Variants in RIGI observed in about 807,000 individuals in gnomAD.
The protein encoded by RIGI is antiviral innate immune response receptor RIG-I.
At chr9:32,488,106 G>A in the RIGI span, 1 of 1,614,016 alleles carries the variant, frequency 6.2e-7, no homozygotes, top group African/African-American at 1.3e-5. Flanking sequence ...TTGTTCACAA[G>A]AATCTGTGGA....
At chr9:32,477,639 G>C in the RIGI span, among the ~76,000 whole-genome samples, 1 of 152,076 alleles carries the variant, frequency 6.6e-6, no homozygotes, top group African/African-American at 2.4e-5. Flanking sequence ...TAAAAATATA[G>C]TCAGGCCGGG....
At chr9:32,522,132 C>T in the RIGI span, among the ~76,000 whole-genome samples, 1 of 152,082 alleles carries the variant, frequency 6.6e-6, no homozygotes, top group African/African-American at 2.4e-5. Context: ...CAATATGAAA[C>T]ACAGCAGGAG....
At chr9:32,461,667 C>T in the RIGI span, among the ~76,000 whole-genome samples, 2 of 152,114 alleles carry the variant, frequency 1.3e-5, no homozygotes, top group African/African-American at 4.8e-5. Flanking sequence ...TGCCTCTTCT[C>T]TGTTAGGCTA....
chr9:32,500,648 A>G, the RIGI span, among the ~76,000 whole-genome samples: 2 of 152,166 alleles, frequency 1.3e-5, no homozygotes, highest in South Asian at 2.1e-4. Context: ...CAGGTAGACA[A>G]TTATATCATC....
At chr9:32,506,762 G>A in the RIGI span, among the ~76,000 whole-genome samples, 1 of 152,074 alleles carries the variant, frequency 6.6e-6, no homozygotes, top group Non-Finnish European at 1.5e-5. Flanking sequence ...TAATTTGGGG[G>A]AATTTTGTTT....
the RIGI span, among the ~76,000 whole-genome samples, chr9:32,473,574 C>T: frequency 2.6e-5 from 4 of 152,098 alleles, no homozygotes; most frequent in South Asian, 2.1e-4. Context: ...CATGAGCCAC[C>T]GCACCTGGCC....
At chr9:32,475,378 G>A in the RIGI span, among the ~76,000 whole-genome samples, 11 of 152,206 alleles carry the variant, frequency 7.2e-5, no homozygotes, top group East Asian at 2.1e-3. Flanking sequence ...AAAAAAATTG[G>A]AGGACTCACA....
chr9:32,500,467 T>C, the RIGI span, among the ~76,000 whole-genome samples: 3 of 152,198 alleles, frequency 2.0e-5, no homozygotes, highest in African/African-American at 7.2e-5. Context: ...CTAAATACAT[T>C]ACAATTGTTA....
At chr9:32,517,267 T>C in the RIGI span, among the ~76,000 whole-genome samples, 1 of 152,260 alleles carries the variant, frequency 6.6e-6, no homozygotes, top group African/African-American at 2.4e-5. Flanking sequence ...GATTACCGAT[T>C]GGAGCAAACA....
At chr9:32,496,656 T>C in the RIGI span, among the ~76,000 whole-genome samples, 1 of 152,196 alleles carries the variant, frequency 6.6e-6, no homozygotes, top group African/African-American at 2.4e-5. Context: ...CAAAAATATA[T>C]ATACACATAC....
At chr9:32,465,150 G>A in the RIGI span, among the ~76,000 whole-genome samples, 2,807 of 152,298 alleles carry the variant, frequency 0.018, 100 homozygotes, top group African/African-American at 0.065. Flanking sequence ...AGAGAGAATA[G>A]AGAATCCCAT....
chr9:32,523,296 G>C, the RIGI span, among the ~76,000 whole-genome samples: 1 of 152,078 alleles, frequency 6.6e-6, no homozygotes, highest in African/African-American at 2.4e-5. Context: ...GTTTCAGCAA[G>C]GATCTCCACA....
At chr9:32,492,304 G>C in the RIGI span, 1 of 1,457,674 alleles carries the variant, frequency 6.9e-7, no homozygotes, top group Non-Finnish European at 9.4e-7. Context: ...GGCTATCTGA[G>C]GGGAAAAACG....
At chr9:32,469,924 T>A in the RIGI span, among the ~76,000 whole-genome samples, 1 of 152,184 alleles carries the variant, frequency 6.6e-6, no homozygotes, top group Admixed American at 6.5e-5. Flanking sequence ...AGGTAATCCA[T>A]ATTACTTTCC....
the RIGI span, chr9:32,500,855 A>G: frequency 5.6e-6 from 9 of 1,614,144 alleles, no homozygotes; most frequent in Non-Finnish European, 7.6e-6. Context: ...TTCCTCCTGG[A>G]GCTCCAACAG....
chr9:32,512,140 C>T, the RIGI span, among the ~76,000 whole-genome samples: 3 of 152,154 alleles, frequency 2.0e-5, no homozygotes, highest in African/African-American at 7.2e-5. Context: ...ACCAGAGGTA[C>T]AAAGAGGAGC....
the RIGI span, chr9:32,457,207 G>C: frequency 6.2e-7 from 1 of 1,613,736 alleles, no homozygotes; most frequent in South Asian, 1.1e-5. Flanking sequence ...AACTCCAGTT[G>C]CAATATCCTC....
chr9:32,523,566 C>A, the RIGI span, among the ~76,000 whole-genome samples: 4 of 152,128 alleles, frequency 2.6e-5, no homozygotes, highest in Non-Finnish European at 5.9e-5. Context: ...CTCACCACAA[C>A]TCCCCAAGAG....
the RIGI span, among the ~76,000 whole-genome samples, chr9:32,461,085 C>G: frequency 2.0e-5 from 3 of 150,320 alleles, no homozygotes; most frequent in African/African-American, 4.9e-5. Context: ...AGGGGGAAAT[C>G]AGTCTGAATA....
Sources: allele counts gnomAD v4.1 joint callset (sites outside exome capture counted in the v4.1 genomes callset), GRCh38; gene constraint gnomAD v4.1.1; transcripts MANE v1.5; gene names NCBI Gene and HGNC (gene_info 2026-07-23, HGNC 2026-07-21).